Variants in EPHA5 observed in about 807,000 individuals in gnomAD.
EPHA5 encodes the protein ephrin type-A receptor 5.
Under a neutral mutation model 105.0 loss-of-function variants are expected in EPHA5, and 60 were observed. That is an observed-to-expected ratio of 0.57 (90% CI 0.46 to 0.71). The LOEUF is 0.71. Ranked by LOEUF, EPHA5 falls within the 30% of genes least tolerant of loss-of-function variation. The pLI is 0.00. For synonymous variants in EPHA5, 513 were observed against 449.1 expected, an observed-to-expected ratio of 1.14 and a Z score of -1.80; for missense variants, 1,218 against 1,274.7, an observed-to-expected ratio of 0.96 and a Z score of 0.68.
intron 8 of EPHA5, among the ~76,000 whole-genome samples, chr4:65,403,004 G>T (rs1213495414): frequency 7.9e-6 from 1 of 125,996 alleles, no homozygotes; most frequent in Non-Finnish European, 1.9e-5. Context: ...GTCCTCAACA[G>T]AACACAAACT....
chr4:65,667,283 G>A (rs1750047207), intron 1 of EPHA5, among the ~76,000 whole-genome samples: 1 of 152,136 alleles, frequency 6.6e-6, no homozygotes, highest in Non-Finnish European at 1.5e-5. Context: ...ATTTCACAGA[G>A]CAGAAATAAA....
At chr4:65,385,941 G>A (rs914505462) in intron 8 of EPHA5, among the ~76,000 whole-genome samples, 21 of 151,850 alleles carry the variant, frequency 1.4e-4, no homozygotes, top group Non-Finnish European at 2.5e-4. Flanking sequence ...TAATACCCGT[G>A]TAGCTGCTTA....
rs539503678 is a variant in EPHA5 at position 65,532,868 on chromosome 4, T to C, written c.911-37325A>G. ...TAAGAGTAACATTTTATGGCCATCA[T>C]TGCCAGCATCTAAACAGTTATTTGT... On this transcript the variant is annotated intron_variant, in intron 3 of 16. Transcript: ENST00000613740. 5.3e-5 allele frequency among the ~76,000 whole-genome samples: 8 copies of C among 152,290 alleles called. No homozygotes were observed. In the South Asian group the frequency reaches 1.7e-3, roughly 32 times the overall value.
intron 5 of EPHA5, among the ~76,000 whole-genome samples, chr4:65,460,572 A>G (rs1000641785): frequency 2.0e-5 from 3 of 151,528 alleles, no homozygotes; most frequent in African/African-American, 7.2e-5. Context: ...AAAAAAGTCA[A>G]AAGTATATTT....
intron 14 of EPHA5, among the ~76,000 whole-genome samples, chr4:65,346,165 A>T (rs113171263): frequency 0.028 from 4,228 of 150,786 alleles, 90 homozygotes; most frequent in Non-Finnish European, 0.041. Flanking sequence ...TCTGCATTCC[A>T]TCCAATGTAT....
chr4:65,386,748 G>A (rs1720134236), intron 8 of EPHA5, among the ~76,000 whole-genome samples: 1 of 151,856 alleles, frequency 6.6e-6, no homozygotes, highest in Non-Finnish European at 1.5e-5. Context: ...AAATTCAACT[G>A]TACAAAAGAC....
At chr4:65,384,068 G>A (rs1719850441) in intron 8 of EPHA5, among the ~76,000 whole-genome samples, 1 of 151,836 alleles carries the variant, frequency 6.6e-6, no homozygotes, top group Admixed American at 6.6e-5. Context: ...AATGAGTCAG[G>A]AAGGAATAGA....
intron 3 of EPHA5, among the ~76,000 whole-genome samples, chr4:65,507,774 TG>T (rs1318353031): frequency 1.3e-5 from 2 of 152,140 alleles, no homozygotes; most frequent in African/African-American, 2.4e-5. Flanking sequence ...GCTGAGATGA[TG>T]GGGTTTTATA....
In EPHA5 at chr4:65,490,766, C is replaced by A. The variant is rs1229695560; in HGVS notation, c.1067-54G>T. ...ATATTTTAAGATGGTATTAATTAGG[C>A]ATTATTTATCACACCAATTCCTGGT... On this transcript the variant is annotated intron_variant, in intron 4 of 16. Transcript: ENST00000613740. 23 of 1,521,408 alleles carry A rather than the reference C, an allele frequency of 1.5e-5. No individual in the cohort carries two copies. The Admixed American group carries it at 4.1e-4, about 27-fold the overall frequency. The allele number at this position is 1,521,408 out of a possible 1,614,324, so 94.2% of individuals were successfully genotyped here.
intron 3 of EPHA5, among the ~76,000 whole-genome samples, chr4:65,531,336 C>A (rs1243694832): frequency 6.6e-6 from 1 of 151,982 alleles, no homozygotes; most frequent in Non-Finnish European, 1.5e-5. Context: ...CGCGCCCGGC[C>A]TTTTTTTTCA....
chr4:65,383,222 C>T (rs1045360024), intron 8 of EPHA5, among the ~76,000 whole-genome samples: 3 of 130,190 alleles, frequency 2.3e-5, no homozygotes, highest in Non-Finnish European at 5.2e-5. Context: ...ATATGATATA[C>T]ACACACACAC....
chr4:65,413,081 C>A (rs1228655721), intron 7 of EPHA5, among the ~76,000 whole-genome samples: 1 of 152,064 alleles, frequency 6.6e-6, no homozygotes, highest in African/African-American at 2.4e-5. Context: ...TCCTACATCC[C>A]TTTTAGTTTC....
intron 5 of EPHA5, among the ~76,000 whole-genome samples, chr4:65,465,531 AGAAAGGAAAGGAAG>A (rs1560567541): frequency 1.3e-5 from 1 of 78,246 alleles, no homozygotes; most frequent in Admixed American, 1.7e-4. Context: ...AAGAAAGAAA[AGAAAGGAAAGGAAG>A]GAAAGGAAGG....
At position 65,601,735 on chromosome 4, in the gene EPHA5, G is replaced by T. The variant is rs974894393; in HGVS notation, c.816C>A (p.Pro272=). 1.2e-6 allele frequency: 2 copies of T among 1,614,100 alleles called. No individual in the cohort carries two copies. Among genetic ancestry groups the T allele is most frequent in the Non-Finnish European group, 8.5e-7 (1 of 1,180,008 alleles). Residue 272 remains proline, a synonymous_variant, in exon 3 of 17, where the codon CCC becomes CCA. Transcript: ENST00000613740. The part of the protein sequence containing the change: ...CVNHSVTDEP[P]KMHCSAEGEW... ...CCCCTTCGGCGCTGCAGTGCATTTTGGGAGGTTCATCGGTCACAGAATGGT... is the reference window on the plus strand; with the variant it reads ...CCCCTTCGGCGCTGCAGTGCATTTTTGGAGGTTCATCGGTCACAGAATGGT...
At chr4:65,341,615 A>T (rs893585569) in intron 14 of EPHA5, among the ~76,000 whole-genome samples, 6 of 150,726 alleles carry the variant, frequency 4.0e-5, no homozygotes, top group African/African-American at 1.5e-4. Flanking sequence ...GTATATGTAT[A>T]TATGTTATAT....
intron 1 of EPHA5, among the ~76,000 whole-genome samples, chr4:65,649,777 G>T (rs1354070434): frequency 6.6e-6 from 1 of 152,040 alleles, no homozygotes; most frequent in Non-Finnish European, 1.5e-5. Context: ...CTCCTAATTT[G>T]CCTTATCTTT....
At chr4:65,329,176 T>A (rs1276004413) in intron 16 of EPHA5, among the ~76,000 whole-genome samples, 1 of 151,370 alleles carries the variant, frequency 6.6e-6, no homozygotes, top group African/African-American at 2.4e-5. Flanking sequence ...ACTGCACTTA[T>A]ACAAGATGAG....
At chr4:65,390,068 A>G (rs2148953193) in intron 8 of EPHA5, among the ~76,000 whole-genome samples, 1 of 152,102 alleles carries the variant, frequency 6.6e-6, no homozygotes, top group Admixed American at 6.6e-5. Context: ...TATTTTTTAT[A>G]TATTTTCTCT....
chr4:65,610,754 T>C (rs1371081192), intron 2 of EPHA5, among the ~76,000 whole-genome samples: 2 of 152,146 alleles, frequency 1.3e-5, no homozygotes, highest in African/African-American at 4.8e-5. Flanking sequence ...ATAGGGTACA[T>C]GTGATCTAAT....
Sources: gnomAD v4.1 joint callset for allele counts (sites outside exome capture counted in the v4.1 genomes callset) on GRCh38, gnomAD v4.1.1 for gene constraint, MANE v1.5 for transcripts, NCBI Gene and HGNC (gene_info 2026-07-23, HGNC 2026-07-21) for gene names.